MSRB3: variants seen among roughly 807,000 people sequenced by gnomAD.
MSRB3 encodes the protein methionine sulfoxide reductase B3.
In MSRB3, 13 loss-of-function variants were observed where a neutral mutation model predicts 21.0. The ratio of observed to expected loss-of-function variants is 0.62; its 90% confidence interval spans 0.40 to 0.98. The LOEUF (loss-of-function observed/expected upper bound fraction) is 0.98, where lower values mean the gene tolerates loss of function less well. MSRB3 is among the 50% of genes least tolerant of loss of function. MSRB3 has a pLI of 0.00. For synonymous variants in MSRB3, 87 were observed against 88.6 expected (o/e 0.98, Z 0.10); for missense variants, 199 against 230.3 (o/e 0.86, Z 0.88).
At chr12:65,432,115 T>C (rs574318254) in intron 5 of MSRB3, among the ~76,000 whole-genome samples, 1 of 152,076 alleles carries the variant, frequency 6.6e-6, no homozygotes, top group South Asian at 2.1e-4. Context: ...TTTAAATCAA[T>C]AAAAGAAGGG....
At position 65,291,752 on chromosome 12, in the gene MSRB3, G is replaced by A. The variant is rs115661070; in HGVS notation, c.-52+12887G>A. On this transcript the variant is annotated intron_variant, in intron 1 of 6. Coordinates refer to ENST00000308259, the MANE Select transcript of MSRB3 (RefSeq NM_001031679.3). ...GAGTAAGTAGACTATTTTGTGGTAG[G>A]AGCAAGAGAGAGCATGGTTAGAGTT... 8.2e-3 allele frequency among the ~76,000 whole-genome samples: 1,243 copies of A among 152,268 alleles called. 18 individuals carry two copies. The highest frequency in any genetic ancestry group is 0.029 in the African/African-American group (1,201 of 41,544).
At chr12:65,349,461 C>G (rs1303148478) in intron 4 of MSRB3, among the ~76,000 whole-genome samples, 1 of 151,526 alleles carries the variant, frequency 6.6e-6, no homozygotes, top group South Asian at 2.1e-4. Context: ...ATTTCTAGTT[C>G]TAGATCCCTG....
chr12:65,441,720 T>C (rs764188978), intron 5 of MSRB3, among the ~76,000 whole-genome samples: 1 of 151,876 alleles, frequency 6.6e-6, no homozygotes, highest in Non-Finnish European at 1.5e-5. Context: ...GCATTGGGGG[T>C]TGGCAAAGAT....
chr12:65,446,278 A>G (rs1196298129), intron 5 of MSRB3, among the ~76,000 whole-genome samples: 1 of 152,226 alleles, frequency 6.6e-6, no homozygotes, highest in Non-Finnish European at 1.5e-5. Context: ...TGACCTACCA[A>G]TTCTAACTCA....
chr12:65,294,921 A>G (rs986832519), intron 1 of MSRB3, among the ~76,000 whole-genome samples: 1 of 152,134 alleles, frequency 6.6e-6, no homozygotes, highest in African/African-American at 2.4e-5. Context: ...TCCTGGGCTC[A>G]AGTGATCCTC....
At chr12:65,455,188 C>G (rs1883032125) in intron 6 of MSRB3, among the ~76,000 whole-genome samples, 2 of 150,796 alleles carry the variant, frequency 1.3e-5, no homozygotes, top group African/African-American at 4.9e-5. Context: ...TATTTACTAC[C>G]AAGTAGGGAG....
At chr12:65,371,647 A>G (rs567350914) in intron 5 of MSRB3, among the ~76,000 whole-genome samples, 3 of 152,122 alleles carry the variant, frequency 2.0e-5, no homozygotes, top group Admixed American at 1.3e-4. Context: ...ATATCAAGGA[A>G]AGTACCCAAC....
At chr12:65,364,259 C>A (rs983944369) in intron 4 of MSRB3, among the ~76,000 whole-genome samples, 5 of 152,126 alleles carry the variant, frequency 3.3e-5, no homozygotes, top group African/African-American at 1.2e-4. Flanking sequence ...CATATGGGTA[C>A]AACTAGCAAC....
At chr12:65,430,782 G>A (rs1168775538) in intron 5 of MSRB3, among the ~76,000 whole-genome samples, 1 of 151,888 alleles carries the variant, frequency 6.6e-6, no homozygotes, top group Non-Finnish European at 1.5e-5. Flanking sequence ...TTTGAATCCT[G>A]GACCTACTCC....
At chr12:65,318,782 A>G (rs970510763) in intron 2 of MSRB3, among the ~76,000 whole-genome samples, 2 of 152,182 alleles carry the variant, frequency 1.3e-5, no homozygotes, top group African/African-American at 4.8e-5. Flanking sequence ...TAACACAAAA[A>G]GTGTTGCTCT....
intron 1 of MSRB3, among the ~76,000 whole-genome samples, chr12:65,294,821 GT>G (rs1004168668): frequency 3.9e-5 from 6 of 151,916 alleles, no homozygotes; most frequent in African/African-American, 1.5e-4. Context: ...GTTTCTGTGG[GT>G]TTTTTTGTTT....
chr12:65,425,375 G>A (rs1374358204), intron 5 of MSRB3, among the ~76,000 whole-genome samples: 2 of 151,892 alleles, frequency 1.3e-5, no homozygotes, highest in Non-Finnish European at 1.5e-5. Flanking sequence ...GATAGGTTTG[G>A]CCTCATTAGT....
intron 5 of MSRB3, among the ~76,000 whole-genome samples, chr12:65,375,551 C>A (rs988377970): frequency 2.0e-5 from 3 of 152,128 alleles, no homozygotes; most frequent in African/African-American, 7.2e-5. Flanking sequence ...GACCTCCTGC[C>A]TCAGTCTCCC....
intron 6 of MSRB3, among the ~76,000 whole-genome samples, chr12:65,455,548 A>G (rs1174930438): frequency 1.3e-5 from 2 of 152,134 alleles, no homozygotes; most frequent in African/African-American, 4.8e-5. Context: ...CAGTTGAGGA[A>G]ACTGAGGCAC....
In MSRB3 at chr12:65,340,590, A is replaced by G. The variant is rs370068125; in HGVS notation, c.263+11987A>G. On this transcript the variant is annotated intron_variant, in intron 4 of 6. Coordinates refer to ENST00000308259, the MANE Select transcript of MSRB3 (RefSeq NM_001031679.3). ...CAAGGAGAAAATCTTAAAAACATCCAGATAAATTAACATGAAAAATAAAAA... is the reference window on the plus strand; with the variant it reads ...CAAGGAGAAAATCTTAAAAACATCCGGATAAATTAACATGAAAAATAAAAA... Among the ~76,000 whole-genome samples, 663 of 152,260 alleles carry G rather than the reference A, an allele frequency of 4.4e-3. 5 individuals are homozygous for G. The highest frequency in any genetic ancestry group is 0.015 in the African/African-American group (616 of 41,576).
chr12:65,403,595 C>T (rs1880249843), intron 5 of MSRB3, among the ~76,000 whole-genome samples: 2 of 152,152 alleles, frequency 1.3e-5, no homozygotes, highest in South Asian at 4.1e-4. Context: ...GGCTTCAGCC[C>T]ACTTTCCAGG....
At chr12:65,352,474 C>T (rs1486917430) in intron 4 of MSRB3, among the ~76,000 whole-genome samples, 1 of 151,214 alleles carries the variant, frequency 6.6e-6, no homozygotes, top group Non-Finnish European at 1.5e-5. Flanking sequence ...GGCAATTAGG[C>T]AGGAGAAGGA....
chr12:65,366,110 G>T (rs996229091), intron 4 of MSRB3, among the ~76,000 whole-genome samples: 3 of 152,170 alleles, frequency 2.0e-5, no homozygotes, highest in Admixed American at 6.5e-5. Context: ...TGGCCCCCAG[G>T]TGCTCTCAGC....
At chr12:65,418,336 A>T (rs1265623429) in intron 5 of MSRB3, among the ~76,000 whole-genome samples, 1 of 152,152 alleles carries the variant, frequency 6.6e-6, no homozygotes, top group East Asian at 1.9e-4. Flanking sequence ...GCCCGTTTTT[A>T]AATTGGGTTA....
Sources: allele counts gnomAD v4.1 joint callset (sites outside exome capture counted in the v4.1 genomes callset), GRCh38; gene constraint gnomAD v4.1.1; transcripts MANE v1.5; gene names NCBI Gene and HGNC (gene_info 2026-07-23, HGNC 2026-07-21).